SLIT3: variants seen among roughly 807,000 people sequenced by gnomAD.
The protein encoded by SLIT3 is slit guidance ligand 3.
SLIT3 carries 68 observed loss-of-function variants against 184.0 expected under a neutral mutation model. That is an observed-to-expected ratio of 0.37 (90% CI 0.30 to 0.45). The LOEUF is 0.45. Ranked by LOEUF, SLIT3 falls within the 20% of genes least tolerant of loss-of-function variation. The pLI is 1.00. For missense variants in SLIT3, 1,707 were observed against 2,026.0 expected, an observed-to-expected ratio of 0.84 and a Z score of 3.02; for synonymous variants, 831 against 828.6, an observed-to-expected ratio of 1.00 and a Z score of -0.05.
At chr5:168,806,814 C>T (rs1453016636) in intron 8 of SLIT3, among the ~76,000 whole-genome samples, 1 of 152,190 alleles carries the variant, frequency 6.6e-6, no homozygotes, top group African/African-American at 2.4e-5. Context: ...GCTCCGCCTG[C>T]TCTGTTATCC....
intron 3 of SLIT3, among the ~76,000 whole-genome samples, chr5:169,233,404 C>CTTT (rs70979127): frequency 2.8e-5 from 4 of 145,440 alleles, no homozygotes; most frequent in African/African-American, 1.0e-4. Context: ...TAGAAATTGT[C>CTTT]TTTTTTTTTT....
intron 32 of SLIT3, among the ~76,000 whole-genome samples, chr5:168,683,589 G>A (rs1369823559): frequency 6.6e-6 from 1 of 152,094 alleles, no homozygotes; most frequent in African/African-American, 2.4e-5. Flanking sequence ...TGAGTTGCAT[G>A]CTAATTGTGC....
At chr5:168,969,880 C>G (rs1754505406) in intron 4 of SLIT3, among the ~76,000 whole-genome samples, 1 of 152,198 alleles carries the variant, frequency 6.6e-6, no homozygotes, top group African/African-American at 2.4e-5. Context: ...TCCTCATCAT[C>G]CTTTAAGAAG....
At chr5:169,255,210 A>G (rs954221949) in intron 1 of SLIT3, among the ~76,000 whole-genome samples, 2 of 152,210 alleles carry the variant, frequency 1.3e-5, no homozygotes, top group African/African-American at 2.4e-5. Flanking sequence ...TGTTATCACT[A>G]TTTTAGAGCA....
rs114572097 is a variant in SLIT3 at position 168,761,148 on chromosome 5, T to G, written c.1611-212A>C. Among the ~76,000 whole-genome samples the G allele has an allele frequency of 2.1e-3, 321 of 152,280 alleles. 1 individual carries two copies. Among genetic ancestry groups the G allele is most frequent in the African/African-American group, 7.4e-3 (308 of 41,562 alleles). ...CTTCCTCCTTCTCCTGGAGGAAGCC[T>G]CCTTCGGCTGGGGTTTAGGGGACTT... On this transcript the variant is annotated intron_variant, in intron 15 of 35. Coordinates refer to ENST00000519560, the MANE Select transcript of SLIT3 (RefSeq NM_003062.4).
At chr5:168,861,776 C>T (rs1260631604) in intron 5 of SLIT3, among the ~76,000 whole-genome samples, 3 of 152,148 alleles carry the variant, frequency 2.0e-5, no homozygotes, top group African/African-American at 7.2e-5. Context: ...TCACAATGGA[C>T]CCAAATGGAA....
chr5:168,841,368 T>G (rs548448007), intron 6 of SLIT3, among the ~76,000 whole-genome samples: 2 of 152,192 alleles, frequency 1.3e-5, no homozygotes, highest in Non-Finnish European at 2.9e-5. Context: ...GAGTAACTGC[T>G]AGCGATTTTC....
intron 18 of SLIT3, 73 bp from the exon 19 acceptor site, chr5:168,749,708 C>G (rs1411249225): frequency 6.6e-7 from 1 of 1,520,172 alleles, no homozygotes; most frequent in African/African-American, 1.4e-5. Context: ...CTGCCCAGAG[C>G]CCAGCTCTCC....
chr5:168,874,217 A>G (rs536343308), intron 5 of SLIT3, among the ~76,000 whole-genome samples: 1 of 152,332 alleles, frequency 6.6e-6, no homozygotes, highest in Non-Finnish European at 1.5e-5. Context: ...AATAAATTGT[A>G]CTGCTGGCTT....
intron 4 of SLIT3, among the ~76,000 whole-genome samples, chr5:168,983,902 G>T (rs1304837973): frequency 6.6e-6 from 1 of 152,056 alleles, no homozygotes; most frequent in African/African-American, 2.4e-5. Context: ...GGCTAGAAAA[G>T]AAAAGAGAGG....
intron 4 of SLIT3, among the ~76,000 whole-genome samples, chr5:169,177,465 C>T (rs998161750): frequency 1.3e-5 from 2 of 152,122 alleles, no homozygotes; most frequent in East Asian, 1.9e-4. Context: ...GGGAGGGCTA[C>T]CATCATTAGC....
chr5:169,261,869 T>C (rs1766199476), intron 1 of SLIT3, among the ~76,000 whole-genome samples: 1 of 152,206 alleles, frequency 6.6e-6, no homozygotes, highest in Non-Finnish European at 1.5e-5. Context: ...TATAGGACTC[T>C]TTCTCTTGCT....
chr5:168,936,859 G>C (rs886687834), intron 4 of SLIT3, among the ~76,000 whole-genome samples: 1 of 152,078 alleles, frequency 6.6e-6, no homozygotes, highest in Non-Finnish European at 1.5e-5. Context: ...CCTAGGAACT[G>C]GGGCTACTGT....
intron 4 of SLIT3, among the ~76,000 whole-genome samples, chr5:169,120,783 A>G (rs766130953): frequency 6.6e-6 from 1 of 152,016 alleles, no homozygotes; most frequent in Non-Finnish European, 1.5e-5. Flanking sequence ...TATTTTCCCT[A>G]TTATAGTCTT....
intron 4 of SLIT3, among the ~76,000 whole-genome samples, chr5:169,179,734 G>A (rs1026835802): frequency 3.3e-5 from 5 of 152,062 alleles, no homozygotes; most frequent in East Asian, 1.9e-4. Flanking sequence ...CTAGTCATTC[G>A]GGGCTTTTGC....
intron 4 of SLIT3, among the ~76,000 whole-genome samples, chr5:169,140,925 A>C (rs1443134753): frequency 6.6e-6 from 1 of 152,210 alleles, no homozygotes; most frequent in Non-Finnish European, 1.5e-5. Context: ...ATCACCCTAC[A>C]GTAGAACCCT....
intron 4 of SLIT3, among the ~76,000 whole-genome samples, chr5:169,000,293 G>T (rs148967846): frequency 0.022 from 3,348 of 149,168 alleles, 56 homozygotes; most frequent in Non-Finnish European, 0.035. Flanking sequence ...TCGAAAGGCT[G>T]AGGCAGGAGA....
chr5:168,778,523 T>C (rs1490535836), intron 12 of SLIT3, among the ~76,000 whole-genome samples: 1 of 152,220 alleles, frequency 6.6e-6, no homozygotes, highest in Non-Finnish European at 1.5e-5. Flanking sequence ...GAAGTCCTCC[T>C]GACTCCCAGG....
intron 1 of SLIT3, among the ~76,000 whole-genome samples, chr5:169,290,080 C>T (rs1046160963): frequency 1.3e-4 from 20 of 150,032 alleles, no homozygotes; most frequent in Admixed American, 6.0e-4. Flanking sequence ...TATGCTAGAA[C>T]GTACACTAGG....
Sources: allele counts gnomAD v4.1 joint callset (sites outside exome capture counted in the v4.1 genomes callset), GRCh38; gene constraint gnomAD v4.1.1; transcripts MANE v1.5; gene names NCBI Gene and HGNC (gene_info 2026-07-23, HGNC 2026-07-21).